The following RB1 variants were observed in gnomAD, a reference collection of about 807,000 sequenced individuals.
RB1 encodes RB transcriptional corepressor 1, also known as retinoblastoma-associated protein.
In RB1, 18 loss-of-function variants were observed where a neutral mutation model predicts 135.4. That is an observed-to-expected ratio of 0.13 (90% confidence interval 0.09 to 0.20). The LOEUF is 0.20. Among genes scored for constraint, RB1 ranks in the 10% least tolerant of loss-of-function variants. The probability of loss-of-function intolerance (pLI) is 1.00; values close to 1 mark genes in which losing one functional copy is unlikely to be tolerated. For synonymous variants in RB1, 365 were observed against 373.2 expected (o/e 0.98, Z 0.25); for missense variants, 868 against 1,110.0 (o/e 0.78, Z 3.10).
chr13:48,315,746 T>G (rs1952176164), intron 2 of RB1, among the ~76,000 whole-genome samples: 1 of 152,268 alleles, frequency 6.6e-6, no homozygotes, highest in South Asian at 2.1e-4. Flanking sequence ...TATCCACTAA[T>G]CGGCTGATGG....
chr13:48,455,296 T>G (rs532125380), intron 18 of RB1, among the ~76,000 whole-genome samples: 5 of 152,216 alleles, frequency 3.3e-5, no homozygotes, highest in Non-Finnish European at 7.3e-5. Flanking sequence ...TTATTAAGTC[T>G]GAGATTCGAG....
At chr13:48,397,529 A>C (rs2138173842) in intron 17 of RB1, among the ~76,000 whole-genome samples, 1 of 152,298 alleles carries the variant, frequency 6.6e-6, no homozygotes, top group East Asian at 1.9e-4. Flanking sequence ...GCATTAGGAA[A>C]AATACCTAAT....
chr13:48,420,692 C>A (rs959545311), intron 17 of RB1, among the ~76,000 whole-genome samples: 6 of 152,184 alleles, frequency 3.9e-5, no homozygotes, highest in Non-Finnish European at 7.3e-5. Context: ...AGCAAAGTCT[C>A]AGGATACAAA....
chr13:48,471,909 C>T (rs887548627), intron 23 of RB1, among the ~76,000 whole-genome samples: 8 of 152,138 alleles, frequency 5.3e-5, no homozygotes, highest in African/African-American at 7.2e-5. Context: ...ACCACCTCAC[C>T]TTGGGCAGGT....
chr13:48,358,086 G>A lies in RB1; in HGVS notation c.608-1931G>A, dbSNP rs75457076. Among the ~76,000 whole-genome samples the A allele has an allele frequency of 8.3e-3, 1,269 of 152,226 alleles. 22 individuals are homozygous for A. The highest frequency in any genetic ancestry group is 0.029 in the African/African-American group (1,213 of 41,546). ...CCACCAAGATTGTGGCATTGCAGTA[G>A]AGATAGTTTAATTGACCACTAGGCT... is the stretch of plus-strand genomic sequence containing the variant. On this transcript the variant is annotated intron_variant, in intron 6 of 26. Transcript: ENST00000267163.
At chr13:48,313,745 C>T (rs374860718) in intron 2 of RB1, among the ~76,000 whole-genome samples, 52 of 101,926 alleles carry the variant, frequency 5.1e-4, no homozygotes, top group South Asian at 9.8e-4. Flanking sequence ...TATGTTTATT[C>T]TTTTTTTTTT....
intron 9 of RB1, 41 bp from the exon 10 acceptor site, chr13:48,367,452 TG>T (rs766154368): frequency 6.3e-6 from 10 of 1,584,116 alleles, no homozygotes; most frequent in Non-Finnish European, 6.9e-6. Flanking sequence ...AGAGATGTAA[TG>T]ACATGTAAAG....
chr13:48,461,772 G>C (rs2046565899), intron 20 of RB1, among the ~76,000 whole-genome samples: 1 of 151,914 alleles, frequency 6.6e-6, no homozygotes, highest in Admixed American at 6.6e-5. Context: ...GTGTTTACTG[G>C]CCATGTGTAT....
intron 6 of RB1, among the ~76,000 whole-genome samples, chr13:48,351,360 C>CTT (rs546764636): frequency 1.4e-3 from 220 of 151,992 alleles, no homozygotes; most frequent in Non-Finnish European, 2.0e-3. Context: ...TTTTCATATG[C>CTT]TTATTGGCTG....
chr13:48,442,314 C>T (rs527817115), intron 17 of RB1, among the ~76,000 whole-genome samples: 11 of 152,096 alleles, frequency 7.2e-5, no homozygotes, highest in Admixed American at 1.3e-4. Context: ...CATTCTCCTT[C>T]CTCAGCCTCC....
At chr13:48,396,230 T>C (rs1948647111) in intron 17 of RB1, among the ~76,000 whole-genome samples, 1 of 152,154 alleles carries the variant, frequency 6.6e-6, no homozygotes, top group African/African-American at 2.4e-5. Flanking sequence ...GGCATCACGC[T>C]ACTTGACTTC....
At chr13:48,460,293 A>G (rs1367727331) in intron 20 of RB1, among the ~76,000 whole-genome samples, 1 of 152,074 alleles carries the variant, frequency 6.6e-6, no homozygotes, top group Non-Finnish European at 1.5e-5. Context: ...TCTAAAGAAA[A>G]TATTAGATTC....
chr13:48,458,544 T>C (rs992495076), intron 19 of RB1, among the ~76,000 whole-genome samples: 1 of 152,116 alleles, frequency 6.6e-6, no homozygotes, highest in Non-Finnish European at 1.5e-5. Context: ...CACCTGGAAA[T>C]TGTAGAAATG....
chr13:48,327,779 G>T (rs1221413470), intron 2 of RB1, among the ~76,000 whole-genome samples: 2 of 152,048 alleles, frequency 1.3e-5, no homozygotes, highest in African/African-American at 4.8e-5. Context: ...TGTGCTAATA[G>T]TTGTGTCTAA....
At chr13:48,467,267 GA>G (rs1949451829) in intron 23 of RB1, among the ~76,000 whole-genome samples, 1 of 125,302 alleles carries the variant, frequency 8.0e-6, no homozygotes, top group Non-Finnish European at 1.7e-5. Context: ...CATTCTTAAA[GA>G]AAAGAATTTT....
intron 17 of RB1, among the ~76,000 whole-genome samples, chr13:48,384,901 A>G (rs557043004): frequency 2.6e-5 from 4 of 152,260 alleles, no homozygotes; most frequent in Admixed American, 2.0e-4. Flanking sequence ...AACCTAGTGA[A>G]ATCTCATTCT....
In RB1 at chr13:48,473,428, T is replaced by C. The variant is rs200176589; in HGVS notation, c.2520+38T>C. 145 of 1,488,584 alleles carry C rather than the reference T, an allele frequency of 9.7e-5. No individual in the cohort carries two copies. In the African/African-American group the frequency reaches 1.7e-3, roughly 18 times the overall value. 92.2% of individuals were successfully genotyped at this position (1,488,584 alleles called of 1,614,324 possible). On this transcript the variant is annotated intron_variant, in intron 24 of 26. Transcript: ENST00000267163. ...TTTCTATGAAATATAATAGTATGCA[T>C]TGTAAGTATAAAAGAAATTAAAGCT...
At chr13:48,460,159 G>C (rs1290526397) in intron 20 of RB1, among the ~76,000 whole-genome samples, 1 of 151,346 alleles carries the variant, frequency 6.6e-6, no homozygotes, top group African/African-American at 2.4e-5. Context: ...AGTAGAGACA[G>C]GTTTTCACCA....
intron 17 of RB1, among the ~76,000 whole-genome samples, chr13:48,443,788 T>C (rs1184313882): frequency 6.6e-6 from 1 of 152,194 alleles, no homozygotes; most frequent in East Asian, 1.9e-4. Context: ...CCTGGCTATG[T>C]TTTATATTGC....
Sources: gnomAD v4.1 joint callset for allele counts (sites outside exome capture counted in the v4.1 genomes callset) on GRCh38, gnomAD v4.1.1 for gene constraint, MANE v1.5 for transcripts, NCBI Gene and HGNC (gene_info 2026-07-23, HGNC 2026-07-21) for gene names.